The following GRID2 variants were observed in gnomAD, a reference collection of about 807,000 sequenced individuals.
The protein encoded by GRID2 is glutamate ionotropic receptor delta type subunit 2, also known as glutamate receptor ionotropic, delta-2.
In GRID2, 33 loss-of-function variants were observed where a neutral mutation model predicts 114.8. The ratio of observed to expected loss-of-function variants is 0.29; its 90% CI spans 0.22 to 0.38. The LOEUF (loss-of-function observed/expected upper bound fraction) is 0.38, where lower values mean the gene tolerates loss of function less well. Ranked by LOEUF, GRID2 falls within the 10% of genes least tolerant of loss-of-function variation. The pLI is 1.00. For missense variants in GRID2, 1,184 were observed against 1,257.7 expected, an observed-to-expected ratio of 0.94 and a Z score of 0.89; for synonymous variants, 505 against 449.9, an observed-to-expected ratio of 1.12 and a Z score of -1.55.
intron 3 of GRID2, among the ~76,000 whole-genome samples, chr4:93,102,876 C>G (rs1731831895): frequency 6.6e-6 from 1 of 151,382 alleles, no homozygotes; most frequent in South Asian, 2.1e-4. Context: ...GTGTTTTCCC[C>G]TAGATAAAGT....
At chr4:93,795,164 G>A (rs1734772380) in intron 1 of GRID2, among the ~76,000 whole-genome samples, 1 of 146,280 alleles carries the variant, frequency 6.8e-6, no homozygotes, top group African/African-American at 2.6e-5. Flanking sequence ...ATTTTGAACA[G>A]TAGCACAAAA....
chr4:92,885,701 T>C (rs1746322584), intron 2 of GRID2, among the ~76,000 whole-genome samples: 1 of 152,230 alleles, frequency 6.6e-6, no homozygotes, highest in East Asian at 1.9e-4. Context: ...GATAGTCAGT[T>C]AAAACTTCTG....
intron 2 of GRID2, among the ~76,000 whole-genome samples, chr4:92,651,673 G>GCC (rs1731940757): frequency 6.6e-6 from 1 of 152,138 alleles, no homozygotes; most frequent in Admixed American, 6.5e-5. Context: ...AGAATAGCCA[G>GCC]CCAAATCATT....
At chr4:92,877,285 C>A (rs1745699824) in intron 2 of GRID2, among the ~76,000 whole-genome samples, 1 of 152,168 alleles carries the variant, frequency 6.6e-6, no homozygotes, top group Non-Finnish European at 1.5e-5. Flanking sequence ...GTTCATTCTG[C>A]CTTCAGGCAA....
At chr4:93,007,648 T>G (rs900911890) in intron 2 of GRID2, among the ~76,000 whole-genome samples, 1 of 152,136 alleles carries the variant, frequency 6.6e-6, no homozygotes, top group African/African-American at 2.4e-5. Context: ...CTGAATATAT[T>G]TAATCGTAGA....
chr4:92,822,116 C>A, intron 2 of GRID2: 2 of 330,232 alleles, frequency 6.1e-6, no homozygotes, highest in Non-Finnish European at 1.2e-5. Flanking sequence ...TAACTTCTTG[C>A]TTAATTTCTA....
At chr4:92,434,812 T>G (rs1732650475) in intron 1 of GRID2, among the ~76,000 whole-genome samples, 1 of 152,094 alleles carries the variant, frequency 6.6e-6, no homozygotes, top group Non-Finnish European at 1.5e-5. Flanking sequence ...CTCTCTGAAG[T>G]CAACTGTATT....
intron 1 of GRID2, among the ~76,000 whole-genome samples, chr4:92,532,068 T>C (rs1725384934): frequency 6.6e-6 from 1 of 152,122 alleles, no homozygotes; most frequent in African/African-American, 2.4e-5. Flanking sequence ...TGTGGTTGAG[T>C]GGCCACTAGC....
At position 93,772,863 on chromosome 4, in the gene GRID2, C is replaced by T. The variant is rs1734216358; in HGVS notation, c.*365C>T. The T allele has an allele frequency of 5.4e-6, 1 of 184,324 alleles. No homozygotes were observed. Among genetic ancestry groups the T allele is most frequent in the Non-Finnish European group, 1.1e-5 (1 of 89,922 alleles). 11.4% of individuals were successfully genotyped at this position (184,324 alleles called of 1,614,324 possible). On this transcript the variant is annotated 3_prime_UTR_variant, in exon 16 of 16. Transcript: ENST00000282020. ...TTTTACATAAAGGCCTCTTCTGTAACATTTCTCTATTTTTTGAAATACAAT... is the reference window on the plus strand; with the variant it reads ...TTTTACATAAAGGCCTCTTCTGTAATATTTCTCTATTTTTTGAAATACAAT...
At chr4:92,532,067 G>A (rs1054978501) in intron 1 of GRID2, among the ~76,000 whole-genome samples, 8 of 152,106 alleles carry the variant, frequency 5.3e-5, no homozygotes, top group Non-Finnish European at 1.2e-4. Flanking sequence ...TTGTGGTTGA[G>A]TGGCCACTAG....
intron 13 of GRID2, among the ~76,000 whole-genome samples, chr4:93,592,806 A>C (rs1738539628): frequency 6.6e-6 from 1 of 152,196 alleles, no homozygotes; most frequent in Admixed American, 6.5e-5. Context: ...CTTTACCATT[A>C]TGTAATGGCC....
chr4:93,289,556 T>C (rs1753524675), intron 8 of GRID2, among the ~76,000 whole-genome samples: 1 of 152,222 alleles, frequency 6.6e-6, no homozygotes, highest in Admixed American at 6.5e-5. Context: ...GGTAGGGATT[T>C]TCTATTTTGA....
intron 7 of GRID2, among the ~76,000 whole-genome samples, chr4:93,230,647 A>G (rs758044214): frequency 1.3e-5 from 2 of 152,108 alleles, no homozygotes; most frequent in Non-Finnish European, 2.9e-5. Context: ...TTGCGTAGCT[A>G]ATTAGTTTTA....
intron 1 of GRID2, among the ~76,000 whole-genome samples, chr4:92,583,347 TTG>T (rs1728268807): frequency 7.8e-6 from 1 of 127,912 alleles, no homozygotes; most frequent in African/African-American, 2.9e-5. Context: ...AGAATAATAT[TTG>T]CTAATTGTCA....
At chr4:92,475,940 A>G (rs917159504) in intron 1 of GRID2, among the ~76,000 whole-genome samples, 9 of 151,926 alleles carry the variant, frequency 5.9e-5, no homozygotes, top group Non-Finnish European at 1.0e-4. Flanking sequence ...TAGATATTGC[A>G]AATGGAAATG....
chr4:92,943,073 T>G lies in GRID2; in HGVS notation c.245-141922T>G, dbSNP rs1017889318. The stretch of plus-strand genomic sequence containing the variant: ...TTGGAGTTGCTCTTCTCGAGGAGTA[T>G]CTTTGTGGTGTTCTCTGTACTTCCT... On this transcript the variant is annotated intron_variant, in intron 2 of 15. Coordinates refer to ENST00000282020, the MANE Select transcript of GRID2 (RefSeq NM_001510.4). 7.2e-5 allele frequency among the ~76,000 whole-genome samples: 11 copies of G among 152,198 alleles called. No homozygotes were observed. In the East Asian group the frequency reaches 9.6e-4, roughly 13 times the overall value.
At chr4:93,652,334 C>A (rs1722650392) in intron 14 of GRID2, among the ~76,000 whole-genome samples, 1 of 152,034 alleles carries the variant, frequency 6.6e-6, no homozygotes, top group African/African-American at 2.4e-5. Context: ...GCCTCCAGAA[C>A]TGTGAGAAAA....
chr4:93,561,479 T>C (rs2149563992), intron 13 of GRID2, among the ~76,000 whole-genome samples: 1 of 152,248 alleles, frequency 6.6e-6, no homozygotes, highest in South Asian at 2.1e-4. Context: ...TCCCTTATTA[T>C]TAACATCCCC....
At chr4:93,605,054 G>A (rs1010026864) in intron 13 of GRID2, among the ~76,000 whole-genome samples, 7 of 152,112 alleles carry the variant, frequency 4.6e-5, no homozygotes, top group African/African-American at 1.7e-4. Context: ...ATATGAAGGA[G>A]CTAATTGAAA....
Sources: gnomAD v4.1 joint callset for allele counts (sites outside exome capture counted in the v4.1 genomes callset) on GRCh38, gnomAD v4.1.1 for gene constraint, MANE v1.5 for transcripts, NCBI Gene and HGNC (gene_info 2026-07-23, HGNC 2026-07-21) for gene names.